Variants in PTPN4 observed in about 807,000 individuals in gnomAD.
PTPN4 encodes tyrosine-protein phosphatase non-receptor type 4.
PTPN4 carries 49 observed loss-of-function variants against 135.5 expected under a neutral mutation model. That is an observed-to-expected ratio of 0.36 (90% CI 0.29 to 0.46). PTPN4 has a LOEUF of 0.46. Among genes scored for constraint, PTPN4 ranks in the 20% least tolerant of loss-of-function variants. The pLI is 1.00. For synonymous variants in PTPN4, 333 were observed against 369.9 expected, an observed-to-expected ratio of 0.90 and a Z score of 1.14; for missense variants, 860 against 1,101.0, an observed-to-expected ratio of 0.78 and a Z score of 3.10.
In PTPN4 at chr2:119,862,636, A is replaced by G; in HGVS notation, c.239A>G (p.Asp80Gly). The change falls in exon 3 of 27, where the codon GAT (aspartate) becomes GGT (glycine). Residue 80 changes from aspartate to glycine, a missense_variant. Physicochemically the swap from Asp to Gly is moderately conservative, Grantham distance 94 (BLOSUM62 -1). Coordinates refer to ENST00000263708, the MANE Select transcript of PTPN4 (RefSeq NM_002830.4). ...TTACAGTTGGCTGATGATTCCACAG[A>G]TAACCCAGTAAGTGTAAGATTTTGT... ...FGLQLADDST[D>G]NPRWLDPNKP... 1.2e-6 allele frequency: 2 copies of G among 1,604,920 alleles called. No individual in the cohort carries two copies. Among genetic ancestry groups the G allele is most frequent in the South Asian group, 1.1e-5 (1 of 90,512 alleles).
intron 2 of PTPN4, among the ~76,000 whole-genome samples, chr2:119,844,334 C>T (rs1351074641): frequency 1.1e-5 from 1 of 94,628 alleles, no homozygotes; most frequent in African/African-American, 4.5e-5. Context: ...GGGCGGCTGG[C>T]CGGGCGGGGG....
rs1415308829 is a variant in PTPN4 at position 119,862,554 on chromosome 2, G to C, written c.157G>C (p.Val53Leu). ...FKVNKHDQGQ[V>L]LLDVVFKHLD... ...TTTACAGAAACATGATCAGGGGCAA[G>C]TCTTGTTGGATGTCGTCTTCAAGCA... The change falls in exon 3 of 27, where the codon GTC becomes CTC. Residue 53 changes from valine to leucine, a missense_variant. Coordinates refer to ENST00000263708, the MANE Select transcript of PTPN4 (RefSeq NM_002830.4). The C allele has an allele frequency of 8.7e-6, 14 of 1,610,666 alleles. No homozygotes were observed. The highest frequency in any genetic ancestry group is 2.2e-5 in the East Asian group (1 of 44,754).
At chr2:119,817,660 C>G (rs1157803294) in intron 2 of PTPN4, among the ~76,000 whole-genome samples, 1 of 152,036 alleles carries the variant, frequency 6.6e-6, no homozygotes, top group African/African-American at 2.4e-5. Flanking sequence ...TCTTCTTCGG[C>G]TTCATATGAA....
chr2:119,763,721 A>G (rs1690549959), intron 1 of PTPN4, among the ~76,000 whole-genome samples: 1 of 152,226 alleles, frequency 6.6e-6, no homozygotes, highest in Non-Finnish European at 1.5e-5. Context: ...TATGGTAGCC[A>G]TTAATCATGT....
Position 119,911,357 on chromosome 2 carries a change from A to G in PTPN4, c.765-3822A>G, listed in dbSNP as rs143540538. On this transcript the variant is annotated intron_variant, in intron 10 of 26. Transcript: ENST00000263708. ...AAGGTTGCTTTAACATCTGAAAGTC[A>G]GTCAGTATAATTAACCATACTGTTA... Among the ~76,000 whole-genome samples the G allele has an allele frequency of 1.5e-4, 23 of 152,304 alleles. No homozygotes were observed. The East Asian group carries it at 3.1e-3, about 20-fold the overall frequency.
chr2:119,774,752 C>T (rs1690799480), intron 1 of PTPN4, among the ~76,000 whole-genome samples: 1 of 151,898 alleles, frequency 6.6e-6, no homozygotes, highest in African/African-American at 2.4e-5. Context: ...GAGGGCCAGG[C>T]ATGGTGGCTT....
chr2:119,893,087 G>A (rs62167259), intron 9 of PTPN4, among the ~76,000 whole-genome samples: 3,999 of 152,138 alleles, frequency 0.026, 73 homozygotes, highest in Non-Finnish European at 0.039. Flanking sequence ...GAGTTTTGAG[G>A]CAATAAAAGA....
chr2:119,844,872 A>G (rs1677462975), intron 2 of PTPN4, among the ~76,000 whole-genome samples: 3 of 151,040 alleles, frequency 2.0e-5, no homozygotes, highest in African/African-American at 4.9e-5. Context: ...AGAGGCTGCA[A>G]TCTCGGCACT....
intron 2 of PTPN4, among the ~76,000 whole-genome samples, chr2:119,813,684 A>C (rs1393580923): frequency 2.0e-5 from 3 of 152,200 alleles, no homozygotes; most frequent in Admixed American, 6.5e-5. Flanking sequence ...CACAGAGTTA[A>C]GTGAAAGGAA....
intron 18 of PTPN4, among the ~76,000 whole-genome samples, chr2:119,949,064 C>A (rs1679175658): frequency 6.6e-6 from 1 of 152,078 alleles, no homozygotes; most frequent in Non-Finnish European, 1.5e-5. Flanking sequence ...GGATAGTTTT[C>A]AATTAAGTCA....
chr2:119,871,208 T>C (rs969432313), intron 3 of PTPN4, among the ~76,000 whole-genome samples: 3 of 150,002 alleles, frequency 2.0e-5, no homozygotes, highest in South Asian at 2.2e-4. Context: ...ACTACCTGTT[T>C]CTGGCAAAGG....
At chr2:119,853,333 T>G (rs1677624948) in intron 2 of PTPN4, among the ~76,000 whole-genome samples, 1 of 152,210 alleles carries the variant, frequency 6.6e-6, no homozygotes, top group African/African-American at 2.4e-5. Context: ...ATTTTCTGTT[T>G]GTTCTGCTTT....
In PTPN4 at chr2:119,900,594, C is replaced by T. The variant is rs1256557605; in HGVS notation, c.676-124C>T. The T allele has an allele frequency of 2.7e-5, 14 of 517,198 alleles. 1 individual carries two copies. The highest frequency in any genetic ancestry group is 5.5e-4 in the Middle Eastern group (1 of 1,802). The allele number at this position is 517,198 out of a possible 1,614,324, so 32.0% of individuals were successfully genotyped here. The stretch of plus-strand genomic sequence containing the variant: ...ACCATTTGGGTTTCTAATTAGTATT[C>T]GGTTCTTTGCAACCTTTGAAAATGC... On this transcript the variant is annotated intron_variant, in intron 9 of 26. Transcript: ENST00000263708.
At chr2:119,826,705 A>G (rs1422056754) in intron 2 of PTPN4, among the ~76,000 whole-genome samples, 1 of 152,206 alleles carries the variant, frequency 6.6e-6, no homozygotes, top group Non-Finnish European at 1.5e-5. Context: ...TTAATATTCA[A>G]TAACATATTT....
At chr2:119,855,407 G>A (rs144210493) in intron 2 of PTPN4, among the ~76,000 whole-genome samples, 5 of 152,238 alleles carry the variant, frequency 3.3e-5, no homozygotes, top group Non-Finnish European at 5.9e-5. Flanking sequence ...TCCAGGAGCC[G>A]CAAAGAAAAT....
intron 15 of PTPN4, among the ~76,000 whole-genome samples, chr2:119,943,306 G>T (rs1459348663): frequency 6.6e-6 from 1 of 152,124 alleles, no homozygotes; most frequent in East Asian, 1.9e-4. Flanking sequence ...TCCTCTACAA[G>T]GGAGAACAGA....
intron 2 of PTPN4, among the ~76,000 whole-genome samples, chr2:119,843,067 G>A (rs1416590517): frequency 3.9e-5 from 6 of 152,040 alleles, no homozygotes; most frequent in Non-Finnish European, 8.8e-5. Flanking sequence ...AATGATTCTT[G>A]TCTGTCTATT....
At chr2:119,787,162 C>T (rs1316277515) in intron 1 of PTPN4, among the ~76,000 whole-genome samples, 1 of 152,120 alleles carries the variant, frequency 6.6e-6, no homozygotes, top group African/African-American at 2.4e-5. Context: ...CAAATCTTCT[C>T]CTGGGCTGGT....
At chr2:119,845,103 G>C (rs973314954) in intron 2 of PTPN4, among the ~76,000 whole-genome samples, 1 of 149,972 alleles carries the variant, frequency 6.7e-6, no homozygotes, top group Admixed American at 6.6e-5. Flanking sequence ...CCAGTCAGGC[G>C]TGGCGGCGCG....
Sources: gnomAD v4.1 joint callset for allele counts (sites outside exome capture counted in the v4.1 genomes callset) on GRCh38, gnomAD v4.1.1 for gene constraint, MANE v1.5 for transcripts, NCBI Gene and HGNC (gene_info 2026-07-23, HGNC 2026-07-21) for gene names.